Variants in PLEKHA5 observed in about 807,000 individuals in gnomAD.
PLEKHA5 encodes the protein pleckstrin homology domain containing A5.
Under a neutral mutation model 181.9 loss-of-function variants are expected in PLEKHA5, and 55 were observed. The ratio of observed to expected loss-of-function variants is 0.30; its 90% CI spans 0.24 to 0.38. The LOEUF (loss-of-function observed/expected upper bound fraction) is 0.38, where lower values mean the gene tolerates loss of function less well. Among genes scored for constraint, PLEKHA5 ranks in the 10% least tolerant of loss-of-function variants. The pLI is 1.00. For missense variants in PLEKHA5, 1,432 were observed against 1,549.5 expected, an observed-to-expected ratio of 0.92 and a Z score of 1.27; for synonymous variants, 535 against 529.4, an observed-to-expected ratio of 1.01 and a Z score of -0.15.
intron 3 of PLEKHA5, among the ~76,000 whole-genome samples, chr12:19,217,714 CAG>C (rs940875959): frequency 2.0e-5 from 3 of 152,074 alleles, no homozygotes; most frequent in Non-Finnish European, 2.9e-5. Context: ...GAGAAAGAAA[CAG>C]AGATCATTAA....
At chr12:19,206,579 G>A (rs894351835) in intron 3 of PLEKHA5, among the ~76,000 whole-genome samples, 1 of 151,988 alleles carries the variant, frequency 6.6e-6, no homozygotes, top group Admixed American at 6.6e-5. Context: ...AATGATGTGG[G>A]GGGTGGGAAC....
intron 3 of PLEKHA5, among the ~76,000 whole-genome samples, chr12:19,250,799 G>C (rs2065071617): frequency 6.6e-6 from 1 of 151,980 alleles, no homozygotes; most frequent in Admixed American, 6.6e-5. Context: ...ATGTTAGTTT[G>C]TAATTTAGTA....
At chr12:19,195,990 G>A (rs1237080788) in intron 3 of PLEKHA5, among the ~76,000 whole-genome samples, 1 of 152,026 alleles carries the variant, frequency 6.6e-6, no homozygotes, top group Non-Finnish European at 1.5e-5. Flanking sequence ...TGAGCATCTG[G>A]TGTTTGCCTT....
intron 3 of PLEKHA5, among the ~76,000 whole-genome samples, chr12:19,190,027 G>T (rs980424807): frequency 6.6e-6 from 1 of 151,966 alleles, no homozygotes; most frequent in African/African-American, 2.4e-5. Context: ...TGCTTACAAC[G>T]TGCGCTTCTT....
intron 3 of PLEKHA5, among the ~76,000 whole-genome samples, chr12:19,227,285 TC>T (rs755003109): frequency 4.0e-5 from 6 of 150,784 alleles, no homozygotes; most frequent in Non-Finnish European, 7.4e-5. Flanking sequence ...TCTAGTGATT[TC>T]TTTTTTTTTT....
chr12:19,195,391 G>T (rs2052412807), intron 3 of PLEKHA5, among the ~76,000 whole-genome samples: 1 of 81,918 alleles, frequency 1.2e-5, no homozygotes, highest in Non-Finnish European at 3.0e-5. Context: ...TAAAGTACGG[G>T]TGAGTGATAG....
intron 3 of PLEKHA5, among the ~76,000 whole-genome samples, chr12:19,161,823 A>G (rs929780764): frequency 1.3e-5 from 2 of 152,218 alleles, no homozygotes; most frequent in Non-Finnish European, 2.9e-5. Context: ...AGGATTTACT[A>G]TAACGTACGT....
chr12:19,357,432 G>C (rs2095005908), intron 26 of PLEKHA5, among the ~76,000 whole-genome samples: 1 of 151,538 alleles, frequency 6.6e-6, no homozygotes, highest in Non-Finnish European at 1.5e-5. Context: ...CTTTTATAGA[G>C]ACAGGGTTTC....
At chr12:19,206,421 G>A (rs908194463) in intron 3 of PLEKHA5, among the ~76,000 whole-genome samples, 73 of 152,068 alleles carry the variant, frequency 4.8e-4, no homozygotes, top group African/African-American at 1.7e-3. Flanking sequence ...TACTCTGCTA[G>A]AGATAAACCA....
intron 7 of PLEKHA5, among the ~76,000 whole-genome samples, chr12:19,261,299 A>G (rs2068407743): frequency 6.6e-6 from 1 of 152,158 alleles, no homozygotes; most frequent in African/African-American, 2.4e-5. Context: ...TAATAGATAC[A>G]ATCCTTAGTT....
chr12:19,371,003 T>A (rs1592671576), intron 31 of PLEKHA5: 1 of 142,898 alleles, frequency 7.0e-6, no homozygotes, highest in African/African-American at 2.6e-5. Context: ...TTATTTTCTC[T>A]CCTTTTTTTT....
intron 3 of PLEKHA5, among the ~76,000 whole-genome samples, chr12:19,165,265 T>C (rs1041582492): frequency 3.3e-5 from 5 of 152,210 alleles, no homozygotes; most frequent in African/African-American, 1.2e-4. Context: ...TAGTAGTCTA[T>C]AAATGGCTTT....
intron 3 of PLEKHA5, chr12:19,147,346 G>A (rs1166824916): frequency 6.6e-6 from 1 of 152,212 alleles, no homozygotes; most frequent in Non-Finnish European, 1.5e-5. Flanking sequence ...ACTAAGGAGA[G>A]CTTTCCTTAA....
At chr12:19,319,836 G>A in intron 16 of PLEKHA5, 185 bp from the exon 17 acceptor site, 1 of 423,234 alleles carries the variant, frequency 2.4e-6, no homozygotes, top group East Asian at 5.2e-5. Flanking sequence ...GCTGAAGAAA[G>A]GATATTTAAG....
chr12:19,345,988 T>C, intron 23 of PLEKHA5, 100 bp downstream of exon 23: 1 of 601,370 alleles, frequency 1.7e-6, no homozygotes, highest in African/African-American at 1.9e-5. Flanking sequence ...AAAATATTTT[T>C]TAAATATATT....
intron 20 of PLEKHA5, among the ~76,000 whole-genome samples, chr12:19,327,601 C>T (rs1167881700): frequency 6.7e-6 from 1 of 149,158 alleles, no homozygotes; most frequent in Non-Finnish European, 1.5e-5. Flanking sequence ...TTAGCTCCCA[C>T]TTGTCAGTTT....
chr12:19,200,900 A>G (rs1162412312), intron 3 of PLEKHA5: 2 of 153,154 alleles, frequency 1.3e-5, no homozygotes, highest in Non-Finnish European at 2.9e-5. Flanking sequence ...AACAAAAAGT[A>G]TAAAACTTTT....
chr12:19,284,123 C>T (rs773484040), intron 12 of PLEKHA5, among the ~76,000 whole-genome samples: 4 of 152,108 alleles, frequency 2.6e-5, no homozygotes, highest in Non-Finnish European at 5.9e-5. Context: ...GGCTGGAATG[C>T]AGAGGCATAA....
chr12:19,236,725 A>G (rs1307932478), intron 3 of PLEKHA5, among the ~76,000 whole-genome samples: 1 of 152,140 alleles, frequency 6.6e-6, no homozygotes, highest in Non-Finnish European at 1.5e-5. Context: ...CTATATGCCA[A>G]TTTTAAGGGA....
Sources: gnomAD v4.1 joint callset for allele counts (sites outside exome capture counted in the v4.1 genomes callset) on GRCh38, gnomAD v4.1.1 for gene constraint, MANE v1.5 for transcripts, NCBI Gene and HGNC (gene_info 2026-07-23, HGNC 2026-07-21) for gene names.